PXK: variants seen among roughly 807,000 people sequenced by gnomAD.
The protein encoded by PXK is PX domain containing serine/threonine kinase like.
A neutral mutation model predicts 84.7 loss-of-function variants in PXK; 35 were observed. The ratio of observed to expected loss-of-function variants is 0.41; its 90% CI spans 0.32 to 0.55. The LOEUF is 0.55. Among genes scored for constraint, PXK ranks in the 20% least tolerant of loss-of-function variants. PXK has a pLI of 0.21. For missense variants in PXK, 634 were observed against 699.7 expected (o/e 0.91, Z 1.06); for synonymous variants, 253 against 260.8 (o/e 0.97, Z 0.29).
chr3:58,417,344 G>A (rs564334020), intron 17 of PXK, among the ~76,000 whole-genome samples: 54 of 152,312 alleles, frequency 3.5e-4, no homozygotes, highest in African/African-American at 1.2e-3. Flanking sequence ...CTTTCTTTCC[G>A]AAAGCATCGG....
intron 13 of PXK, among the ~76,000 whole-genome samples, chr3:58,406,141 A>T (rs897678967): frequency 2.0e-5 from 3 of 151,880 alleles, no homozygotes; most frequent in Non-Finnish European, 4.4e-5. Flanking sequence ...TAATTTTTGT[A>T]TTTTTAGTAG....
intron 13 of PXK, among the ~76,000 whole-genome samples, chr3:58,404,213 GTCT>G: frequency 6.6e-6 from 1 of 152,336 alleles, no homozygotes; most frequent in South Asian, 2.1e-4. Context: ...CTGGAAGGAG[GTCT>G]TCTCCTGGGA....
chr3:58,384,019 G>A (rs2098529478), intron 4 of PXK, among the ~76,000 whole-genome samples: 1 of 152,170 alleles, frequency 6.6e-6, no homozygotes, highest in Non-Finnish European at 1.5e-5. Flanking sequence ...ATCACCTGGG[G>A]AGCGTTAGAA....
intron 1 of PXK, among the ~76,000 whole-genome samples, chr3:58,336,071 A>ATATATATATTTTTTTT (rs1284780630): frequency 1.9e-5 from 1 of 51,572 alleles, no homozygotes; most frequent in African/African-American, 1.0e-4. Flanking sequence ...ATATATATAT[A>ATATATATATTTTTTTT]TTTTTTTTTT....
chr3:58,376,402 C>T (rs1030044046), intron 3 of PXK, among the ~76,000 whole-genome samples: 4 of 151,748 alleles, frequency 2.6e-5, no homozygotes, highest in African/African-American at 7.3e-5. Context: ...GTGACAAGAG[C>T]GAAACTCTGT....
Position 58,421,098 on chromosome 3 carries a change from G to T in PXK, c.1529-3654G>T. 1.0e-6 allele frequency: 1 copy of T among 992,738 alleles called. No individual in the cohort carries two copies. Among genetic ancestry groups the T allele is most frequent in the Non-Finnish European group, 1.2e-6 (1 of 834,902 alleles). The allele number at this position is 992,738 out of a possible 1,614,324, so 61.5% of individuals were successfully genotyped here. ...TCACCTGCCTGAAGCCAAAGGAGAA[G>T]GTGGTTCTCCCGAGAGCTGGGGGCT... On this transcript the variant is annotated intron_variant, in intron 17 of 17. Coordinates refer to ENST00000356151, the MANE Select transcript of PXK (RefSeq NM_017771.5). The surrounding 1 kb of genome is among the most constrained non-coding windows in gnomAD (Gnocchi z 5.5).
Position 58,409,388 on chromosome 3 carries a change from C to A in PXK, c.1309-144C>A. ...CATACTCCTCTACCTGGCATCCAGA[C>A]CCGAGCCAGGAAGTAGACAGCCTGA... On this transcript the variant is annotated intron_variant, in intron 14 of 17. Transcript: ENST00000356151. This position sits in a 1 kb window ranked among gnomAD's most constrained non-coding sequence, Gnocchi z 4.2. 1 of 776,412 alleles carries A rather than the reference C, an allele frequency of 1.3e-6. No homozygotes were observed. The highest frequency in any genetic ancestry group is 1.6e-5 in the South Asian group (1 of 61,696). 48.1% of individuals were successfully genotyped at this position (776,412 alleles called of 1,614,324 possible). A position where few individuals can be genotyped will look rare whatever the true frequency, so the allele number is the denominator to read the frequency against.
intron 1 of PXK, among the ~76,000 whole-genome samples, chr3:58,351,728 C>T (rs1461803616): frequency 6.6e-6 from 1 of 151,794 alleles, no homozygotes; most frequent in East Asian, 1.9e-4. Context: ...GAATCTAGGA[C>T]AACAGAGGCT....
Position 58,409,541 on chromosome 3 carries a change from C to T in PXK, c.1318C>T (p.His440Tyr). 6.2e-7 allele frequency: 1 copy of T among 1,613,056 alleles called. No homozygotes were observed. The highest frequency in any genetic ancestry group is 1.1e-5 in the South Asian group (1 of 91,000). The change falls in exon 15 of 18, where the codon CAT becomes TAT. Residue 440 changes from histidine to tyrosine, a missense_variant. By Grantham distance (83) the His-to-Tyr change is moderately conservative. Around this residue, in one of 3 missense-constraint regions of PXK, gnomAD observed 273 missense variants for 283.6 expected, o/e 0.96. Transcript: ENST00000356151. The surrounding 1 kb of genome is among the most constrained non-coding windows in gnomAD (Gnocchi z 4.2). ...TTATGGTCTTTTAAAGATTCACCAG[C>T]ATCGAAGACTGACAAGAGCTCAGTC... Reference protein sequence around the residue: ...LIEEQKQIHQHRRLTRAQSHH... With the variant: ...LIEEQKQIHQYRRLTRAQSHH...
chr3:58,409,716 C>A lies in PXK; in HGVS notation c.1395+98C>A. 3.2e-6 allele frequency: 3 copies of A among 946,916 alleles called. No individual in the cohort carries two copies. The highest frequency in any genetic ancestry group is 4.7e-6 in the Non-Finnish European group (3 of 637,546). 58.7% of individuals were successfully genotyped at this position (946,916 alleles called of 1,614,324 possible). On this transcript the variant is annotated intron_variant, in intron 15 of 17. Transcript: ENST00000356151. The surrounding 1 kb of genome is among the most constrained non-coding windows in gnomAD (Gnocchi z 4.2). ...TGCCCATTTAATGACAGATGCTGTG[C>A]TATATCTCCTTGAAAGCTAAGACTA...
At chr3:58,343,339 C>T (rs1355938093) in intron 1 of PXK, among the ~76,000 whole-genome samples, 1 of 152,244 alleles carries the variant, frequency 6.6e-6, no homozygotes, top group Non-Finnish European at 1.5e-5. Flanking sequence ...GCATCAAGCA[C>T]CCTGCTGGTC....
rs1348602527 is a variant in PXK, at chr3:58,385,813, A to G, written c.388+3113A>G. Among the ~76,000 whole-genome samples the G allele has an allele frequency of 6.6e-6, 1 of 151,844 alleles. No individual in the cohort carries two copies. Among genetic ancestry groups the G allele is most frequent in the Non-Finnish European group, 1.5e-5 (1 of 67,942 alleles). ...TGTGCCTGGCCCACTTTTCCCTTTT[A>G]ATGTGGATAATGTCTCCACCTCTTC... On this transcript the variant is annotated intron_variant, in intron 4 of 17. Transcript: ENST00000356151. The surrounding 1 kb of genome is among the most constrained non-coding windows in gnomAD (Gnocchi z 5.1).
chr3:58,397,700 T>C lies in PXK; in HGVS notation c.1080T>C (p.Pro360=), dbSNP rs774566065. 6.2e-6 allele frequency: 10 copies of C among 1,613,790 alleles called. No homozygotes were observed. The highest frequency in any genetic ancestry group is 8.5e-6 in the Non-Finnish European group (10 of 1,179,722). Residue 360 remains proline (P), a synonymous_variant, in exon 11 of 18, where the codon CCT becomes CCC. Transcript: ENST00000356151. This position sits in a 1 kb window ranked among gnomAD's most constrained non-coding sequence, Gnocchi z 4.7. ...PPDSVPVDSF[P]PAPSMAVVAV... is the part of the protein sequence containing the mutation. Reference sequence around the variant, plus strand: ...ACTCGGTGCCTGTGGACTCCTTCCCTCCTGCCCCGTCCATGGCTGTGGGTC... The same window carrying C: ...ACTCGGTGCCTGTGGACTCCTTCCCCCCTGCCCCGTCCATGGCTGTGGGTC...
chr3:58,364,709 C>G lies in PXK; in HGVS notation c.103-1165C>G, dbSNP rs2098244395. ...CCTGGGTGACAGAGTGAGACTCGGT[C>G]TCAAAAAAAAAAAATCATTATGAAG... On this transcript the variant is annotated intron_variant, in intron 1 of 17. Transcript: ENST00000356151. The surrounding 1 kb of genome is among the most constrained non-coding windows in gnomAD (Gnocchi z 4.3). 6.7e-6 allele frequency among the ~76,000 whole-genome samples: 1 copy of G among 149,466 alleles called. No homozygotes were observed. The highest frequency in any genetic ancestry group is 1.5e-5 in the Non-Finnish European group (1 of 67,594).
At chr3:58,347,112 A>C (rs2097839379) in intron 1 of PXK, among the ~76,000 whole-genome samples, 1 of 152,128 alleles carries the variant, frequency 6.6e-6, no homozygotes, top group Non-Finnish European at 1.5e-5. Flanking sequence ...AAGTGCTGGG[A>C]TTACAGTTGT....
chr3:58,395,635 G>A (rs767836868), intron 8 of PXK, 23 bp from the exon 9 acceptor site: 12 of 1,558,058 alleles, frequency 7.7e-6, no homozygotes, highest in East Asian at 2.2e-5. Flanking sequence ...GCTTTCTTAC[G>A]TGTTCTTTGT....
Position 58,333,746 on chromosome 3 carries a change from G to C in PXK, c.102+656G>C. 2.4e-6 allele frequency: 1 copy of C among 413,472 alleles called. No homozygotes were observed. Among genetic ancestry groups the C allele is most frequent in the Non-Finnish European group, 4.9e-6 (1 of 204,320 alleles). The allele number at this position is 413,472 out of a possible 1,614,324, so 25.6% of individuals were successfully genotyped here. A position where few individuals can be genotyped will look rare whatever the true frequency, so the allele number is the denominator to read the frequency against. ...GTGGGCAGTGGTAGCATTCATTTGA[G>C]TTTAAAATCCACTCGAGTAGCATAA... is the stretch of plus-strand genomic sequence containing the variant. On this transcript the variant is annotated intron_variant, in intron 1 of 17. Coordinates refer to ENST00000356151, the MANE Select transcript of PXK (RefSeq NM_017771.5). This position sits in a 1 kb window ranked among gnomAD's most constrained non-coding sequence, Gnocchi z 5.4.
Position 58,416,689 on chromosome 3 carries a change from C to T in PXK, c.1528+3726C>T, listed in dbSNP as rs2061013711. 6.6e-6 allele frequency among the ~76,000 whole-genome samples: 1 copy of T among 151,210 alleles called. No homozygotes were observed. The highest frequency in any genetic ancestry group is 1.5e-5 in the Non-Finnish European group (1 of 67,668). Reference sequence around the variant, plus strand: ...AGGCTGGAATACAGTCGTGAGATCTCGGCTCACTGCAACTTCCGCCTCCTG... The same window carrying T: ...AGGCTGGAATACAGTCGTGAGATCTTGGCTCACTGCAACTTCCGCCTCCTG... On this transcript the variant is annotated intron_variant, in intron 17 of 17. Transcript: ENST00000356151. This position sits in a 1 kb window ranked among gnomAD's most constrained non-coding sequence, Gnocchi z 4.8.
At chr3:58,355,474 C>T (rs1286064845) in intron 1 of PXK, among the ~76,000 whole-genome samples, 1 of 152,186 alleles carries the variant, frequency 6.6e-6, no homozygotes, top group Non-Finnish European at 1.5e-5. Flanking sequence ...ACGTTTATTT[C>T]AAAGTAATTT....
Sources: allele counts gnomAD v4.1 joint callset (sites outside exome capture counted in the v4.1 genomes callset), GRCh38; gene constraint gnomAD v4.1.1; regional missense constraint gnomAD v4.1.1; non-coding constraint Gnocchi (gnomAD v3.1); transcripts MANE v1.5; gene names NCBI Gene and HGNC (gene_info 2026-07-23, HGNC 2026-07-21).